AUTS2: variants seen among roughly 807,000 people sequenced by gnomAD.
The protein encoded by AUTS2 is autism susceptibility gene 2 protein.
In AUTS2, 17 loss-of-function variants were observed where a neutral mutation model predicts 112.4. The observed-to-expected ratio is 0.15, with a 90% CI of 0.10 to 0.23. The LOEUF is 0.23. Ranked by LOEUF, AUTS2 falls within the 10% of genes least tolerant of loss-of-function variation. The pLI is 1.00. For synonymous variants in AUTS2, 751 were observed against 702.7 expected (o/e 1.07, Z -1.09); for missense variants, 1,510 against 1,701.6 (o/e 0.89, Z 1.98).
chr7:70,187,745 A>G (rs1013929155), intron 4 of AUTS2, among the ~76,000 whole-genome samples: 5 of 151,328 alleles, frequency 3.3e-5, no homozygotes, highest in African/African-American at 1.2e-4. Flanking sequence ...AAGGAAGAAT[A>G]CAGACTGTCA....
At position 70,118,061 on chromosome 7, in the gene AUTS2, A is replaced by G. The variant is rs907202718; in HGVS notation, c.523-71A>G. Reference sequence around the variant, plus strand: ...CCGTGCCTGGCTGTTCACTCTTGACAAGGATCAAAAACAGGAACTAAGAAG... The same window carrying G: ...CCGTGCCTGGCTGTTCACTCTTGACGAGGATCAAAAACAGGAACTAAGAAG... On this transcript the variant is annotated intron_variant, in intron 2 of 18. Transcript: ENST00000342771. 2.0e-6 allele frequency: 3 copies of G among 1,504,034 alleles called. No individual in the cohort carries two copies. In the African/African-American group the frequency reaches 4.3e-5, roughly 22 times the overall value. 93.2% of individuals were successfully genotyped at this position (1,504,034 alleles called of 1,614,324 possible).
chr7:70,029,735 C>T (rs928937036), intron 2 of AUTS2, among the ~76,000 whole-genome samples: 2 of 152,138 alleles, frequency 1.3e-5, no homozygotes, highest in African/African-American at 2.4e-5. Flanking sequence ...AATCAGAGAT[C>T]AGCAAACTTT....
intron 5 of AUTS2, among the ~76,000 whole-genome samples, chr7:70,673,280 A>G (rs1807739321): frequency 6.6e-6 from 1 of 151,876 alleles, no homozygotes; most frequent in Non-Finnish European, 1.5e-5. Context: ...AGAACTGCCC[A>G]CTCTCTCCTG....
chr7:70,728,707 CAA>C (rs55878540), intron 6 of AUTS2, among the ~76,000 whole-genome samples: 196 of 81,608 alleles, frequency 2.4e-3, no homozygotes, highest in Non-Finnish European at 3.0e-3. Context: ...GACTCTGTCT[CAA>C]AAAAAAAAAA....
intron 2 of AUTS2, among the ~76,000 whole-genome samples, chr7:70,110,322 C>A (rs1805001755): frequency 6.6e-6 from 1 of 152,152 alleles, no homozygotes; most frequent in Non-Finnish European, 1.5e-5. Flanking sequence ...TTGAGACCAG[C>A]CTGGCCAACA....
intron 2 of AUTS2, among the ~76,000 whole-genome samples, chr7:70,011,587 A>G (rs1799809375): frequency 6.6e-6 from 1 of 152,216 alleles, no homozygotes; most frequent in Non-Finnish European, 1.5e-5. Flanking sequence ...ATAATTACCA[A>G]GAGGGTCCTG....
intron 5 of AUTS2, among the ~76,000 whole-genome samples, chr7:70,587,601 C>A (rs537778236): frequency 1.1e-4 from 17 of 152,294 alleles, no homozygotes; most frequent in African/African-American, 3.6e-4. Flanking sequence ...CAATAATAAC[C>A]TTTACTCAGC....
At chr7:69,857,911 C>T (rs1189249609) in intron 1 of AUTS2, among the ~76,000 whole-genome samples, 1 of 152,166 alleles carries the variant, frequency 6.6e-6, no homozygotes, top group African/African-American at 2.4e-5. Context: ...GATATCCAGC[C>T]AATAACCGTA....
chr7:70,058,884 C>G (rs1339155331), intron 2 of AUTS2, among the ~76,000 whole-genome samples: 3 of 152,060 alleles, frequency 2.0e-5, no homozygotes, highest in African/African-American at 7.2e-5. Context: ...TTAGGTTTAA[C>G]AGCAAAACTG....
At chr7:70,103,217 C>T (rs189499192) in intron 2 of AUTS2, among the ~76,000 whole-genome samples, 24 of 152,250 alleles carry the variant, frequency 1.6e-4, no homozygotes, top group Non-Finnish European at 2.9e-5. Context: ...GGAGGGGTAG[C>T]ATAATGTTTT....
intron 6 of AUTS2, among the ~76,000 whole-genome samples, chr7:70,715,121 T>C (rs1252949207): frequency 6.6e-6 from 1 of 152,220 alleles, no homozygotes; most frequent in African/African-American, 2.4e-5. Context: ...CACTCAAATA[T>C]AATACAAGGA....
chr7:70,777,200 G>A (rs778019735), intron 14 of AUTS2, 26 bp downstream of exon 14: 12 of 1,602,582 alleles, frequency 7.5e-6, no homozygotes, highest in Middle Eastern at 1.7e-4. Context: ...GTGGTGTAGG[G>A]AAGAATGGGA....
At chr7:70,549,091 AT>A (rs1165171447) in intron 5 of AUTS2, among the ~76,000 whole-genome samples, 2 of 152,164 alleles carry the variant, frequency 1.3e-5, no homozygotes, top group African/African-American at 2.4e-5. Context: ...TCAACAATGT[AT>A]TATAGTTTTT....
intron 4 of AUTS2, among the ~76,000 whole-genome samples, chr7:70,399,179 A>G (rs1207603185): frequency 1.3e-5 from 2 of 151,256 alleles, no homozygotes; most frequent in Non-Finnish European, 2.9e-5. Flanking sequence ...TTGTAGGAAC[A>G]GGTTCTCCCT....
At chr7:70,277,926 T>TTG (rs35535865) in intron 4 of AUTS2, among the ~76,000 whole-genome samples, 17,853 of 128,870 alleles carry the variant, frequency 0.14, 1,019 homozygotes, top group South Asian at 0.16. Context: ...CCTTGTGTAT[T>TTG]TGTGTGTGTG....
At chr7:69,763,452 T>G (rs1041636607) in intron 1 of AUTS2, among the ~76,000 whole-genome samples, 4 of 152,220 alleles carry the variant, frequency 2.6e-5, no homozygotes, top group African/African-American at 4.8e-5. Context: ...AATATCTGCC[T>G]TAGTAATAAT....
At chr7:69,608,238 A>G (rs1792836975) in intron 1 of AUTS2, among the ~76,000 whole-genome samples, 1 of 152,176 alleles carries the variant, frequency 6.6e-6, no homozygotes, top group African/African-American at 2.4e-5. Context: ...CCGGCAAGAA[A>G]TCTGATATTT....
rs1791929867 is a variant in AUTS2, at chr7:70,791,186, A to C, written c.*190A>C. 1 of 544,478 alleles carries C rather than the reference A, an allele frequency of 1.8e-6. No homozygotes were observed. The highest frequency in any genetic ancestry group is 2.0e-5 in the African/African-American group (1 of 51,116). 33.7% of individuals were successfully genotyped at this position (544,478 alleles called of 1,614,324 possible). A position where few individuals can be genotyped will look rare whatever the true frequency, so the allele number is the denominator to read the frequency against. Reference sequence around the variant, plus strand: ...TATATTATATGTTGAGATTTTTCAGATCTTTTAGCCCAGTCATATGTTCTC... The same window carrying C: ...TATATTATATGTTGAGATTTTTCAGCTCTTTTAGCCCAGTCATATGTTCTC... On this transcript the variant is annotated 3_prime_UTR_variant, in exon 19 of 19. Transcript: ENST00000342771.
chr7:69,854,154 TTTA>T (rs890829417), intron 1 of AUTS2, among the ~76,000 whole-genome samples: 1 of 152,164 alleles, frequency 6.6e-6, no homozygotes, highest in Non-Finnish European at 1.5e-5. Context: ...TCCTGAATCA[TTTA>T]TTAAGTACCT....
Sources: gnomAD v4.1 joint callset for allele counts (sites outside exome capture counted in the v4.1 genomes callset) on GRCh38, gnomAD v4.1.1 for gene constraint, MANE v1.5 for transcripts, NCBI Gene and HGNC (gene_info 2026-07-23, HGNC 2026-07-21) for gene names.